SYN3: variants seen among roughly 807,000 people sequenced by gnomAD.
SYN3 encodes the protein synapsin III, also known as synapsin-3.
In SYN3, 35 loss-of-function variants were observed where a neutral mutation model predicts 65.8. The observed-to-expected ratio is 0.53, with a 90% CI of 0.41 to 0.70. The LOEUF (loss-of-function observed/expected upper bound fraction) is 0.70. Among genes scored for constraint, SYN3 ranks in the 30% least tolerant of loss-of-function variants. The probability of loss-of-function intolerance (pLI) is 0.00; values close to 1 mark genes in which losing one functional copy is unlikely to be tolerated. For missense variants in SYN3, 680 were observed against 749.0 expected (o/e 0.91, Z 1.08); for synonymous variants, 270 against 292.9 (o/e 0.92, Z 0.80).
intron 6 of SYN3, among the ~76,000 whole-genome samples, chr22:32,721,389 C>T (rs1363682702): frequency 6.6e-6 from 1 of 152,168 alleles, no homozygotes; most frequent in East Asian, 1.9e-4. Context: ...CCTGATAACT[C>T]CTCTGTCCCA....
chr22:32,894,916 G>T (rs2049549349), intron 4 of SYN3, among the ~76,000 whole-genome samples: 1 of 152,136 alleles, frequency 6.6e-6, no homozygotes, highest in Non-Finnish European at 1.5e-5. Context: ...CAATATTTCA[G>T]GTTTCTAGAA....
At chr22:33,026,861 C>T (rs1157484365) in intron 1 of SYN3, among the ~76,000 whole-genome samples, 3 of 152,198 alleles carry the variant, frequency 2.0e-5, no homozygotes, top group Non-Finnish European at 2.9e-5. Context: ...GAAAACGTGG[C>T]GACTGTATAC....
intron 3 of SYN3, among the ~76,000 whole-genome samples, chr22:32,971,943 C>A (rs7288955): frequency 0.027 from 4,083 of 152,228 alleles, 187 homozygotes; most frequent in African/African-American, 0.093. Context: ...AGCCGGACAG[C>A]CCTTCAGAGT....
intron 4 of SYN3, among the ~76,000 whole-genome samples, chr22:32,915,129 G>C (rs573185370): frequency 1.3e-5 from 2 of 152,274 alleles, no homozygotes; most frequent in South Asian, 4.2e-4. Flanking sequence ...CTGCAGGGTG[G>C]AGGTCTGGGA....
At chr22:32,638,948 T>A (rs1250781006) in intron 6 of SYN3, among the ~76,000 whole-genome samples, 1 of 152,050 alleles carries the variant, frequency 6.6e-6, no homozygotes, top group Admixed American at 6.6e-5. Flanking sequence ...TAGTTTGAGG[T>A]CTTACATTGA....
At chr22:32,647,127 T>C (rs1222156050) in intron 6 of SYN3, among the ~76,000 whole-genome samples, 1 of 152,206 alleles carries the variant, frequency 6.6e-6, no homozygotes, top group Non-Finnish European at 1.5e-5. Flanking sequence ...CTCCTACTTA[T>C]ATTCTATGTC....
At chr22:32,747,485 T>C (rs966650779) in intron 6 of SYN3, among the ~76,000 whole-genome samples, 1 of 152,230 alleles carries the variant, frequency 6.6e-6, no homozygotes, top group African/African-American at 2.4e-5. Flanking sequence ...AAGTGCTTTG[T>C]TGTAAGTCCT....
intron 6 of SYN3, among the ~76,000 whole-genome samples, chr22:32,818,936 G>C (rs1364254136): frequency 6.6e-6 from 1 of 152,220 alleles, no homozygotes; most frequent in African/African-American, 2.4e-5. Flanking sequence ...GGCCCCTGCA[G>C]CTACTCCTCG....
chr22:32,715,271 T>C (rs2061021572), intron 6 of SYN3, among the ~76,000 whole-genome samples: 1 of 152,204 alleles, frequency 6.6e-6, no homozygotes, highest in South Asian at 2.1e-4. Context: ...CTAAAGTAAT[T>C]GTTGGCATTT....
intron 4 of SYN3, among the ~76,000 whole-genome samples, chr22:32,881,283 C>T (rs531686987): frequency 5.3e-5 from 8 of 152,132 alleles, no homozygotes; most frequent in South Asian, 2.1e-4. Flanking sequence ...ATGGTACTGC[C>T]GAGGGGTGAT....
intron 3 of SYN3, among the ~76,000 whole-genome samples, chr22:32,941,557 T>C (rs2050938894): frequency 6.6e-6 from 1 of 150,626 alleles, no homozygotes; most frequent in Non-Finnish European, 1.5e-5. Context: ...CATTTCCAAC[T>C]GAGGTACCAG....
In SYN3 at chr22:32,988,132, C is replaced by T. The variant is rs1327920170; in HGVS notation, c.312-7430G>A. ...GACCATCCTGGCCAACATGGTGAAA[C>T]GCCATCTCTACTAAAAATACAAAAA... is the stretch of plus-strand genomic sequence containing the variant. On this transcript the variant is annotated intron_variant, in intron 2 of 13. Transcript: ENST00000358763. 4.6e-5 allele frequency among the ~76,000 whole-genome samples: 7 copies of T among 151,770 alleles called. No homozygotes were observed. The East Asian group carries it at 5.9e-4, about 13-fold the overall frequency.
intron 7 of SYN3, among the ~76,000 whole-genome samples, chr22:32,561,499 T>C (rs2058585975): frequency 6.6e-6 from 1 of 152,150 alleles, no homozygotes; most frequent in Non-Finnish European, 1.5e-5. Flanking sequence ...CTGGAGGGAC[T>C]TGGGGGGTCC....
At chr22:32,857,096 T>A (rs2048390741) in intron 6 of SYN3, among the ~76,000 whole-genome samples, 1 of 152,216 alleles carries the variant, frequency 6.6e-6, no homozygotes, top group Non-Finnish European at 1.5e-5. Context: ...ATCTTGGCTA[T>A]TGTGAATATT....
intron 3 of SYN3, among the ~76,000 whole-genome samples, chr22:32,937,505 G>A (rs533289547): frequency 6.6e-6 from 1 of 152,096 alleles, no homozygotes; most frequent in Non-Finnish European, 1.5e-5. Context: ...ATGGTGGAAG[G>A]CCAAGGGGGA....
chr22:32,952,881 G>A (rs2051334205), intron 3 of SYN3, among the ~76,000 whole-genome samples: 1 of 152,186 alleles, frequency 6.6e-6, no homozygotes, highest in African/African-American at 2.4e-5. Context: ...CTCCACCCCT[G>A]CCTTGCTGTA....
intron 6 of SYN3, among the ~76,000 whole-genome samples, chr22:32,670,140 G>A (rs1374535230): frequency 6.6e-6 from 1 of 152,080 alleles, no homozygotes; most frequent in Non-Finnish European, 1.5e-5. Context: ...CATCATCACG[G>A]CTTCTTGGAA....
chr22:33,021,787 T>TA (rs944394295), intron 1 of SYN3, among the ~76,000 whole-genome samples: 10 of 14,392 alleles, frequency 6.9e-4, no homozygotes, highest in East Asian at 1.9e-3. Flanking sequence ...GTAACTTATT[T>TA]TTTTTTTTTT....
intron 1 of SYN3, among the ~76,000 whole-genome samples, chr22:33,053,530 A>T (rs1221463681): frequency 6.6e-6 from 1 of 152,170 alleles, no homozygotes; most frequent in Non-Finnish European, 1.5e-5. Flanking sequence ...TTGAAGTCAA[A>T]CCAAGCCTTT....
Sources: allele counts gnomAD v4.1 joint callset (sites outside exome capture counted in the v4.1 genomes callset), GRCh38; gene constraint gnomAD v4.1.1; transcripts MANE v1.5; gene names NCBI Gene and HGNC (gene_info 2026-07-23, HGNC 2026-07-21).